Variants in EYS observed in about 807,000 individuals in gnomAD.
The protein encoded by EYS is protein eyes shut homolog.
Under a neutral mutation model 282.1 loss-of-function variants are expected in EYS, and 250 were observed. The ratio of observed to expected loss-of-function variants is 0.89; its 90% CI spans 0.80 to 0.98. The LOEUF (loss-of-function observed/expected upper bound fraction) is 0.98, where lower values mean the gene tolerates loss of function less well. EYS is among the 50% of genes least tolerant of loss of function. The probability of loss-of-function intolerance (pLI) is 0.00; values close to 1 mark genes in which losing one functional copy is unlikely to be tolerated. For synonymous variants in EYS, 1,355 were observed against 1,282.9 expected (o/e 1.06, Z -1.20); for missense variants, 4,016 against 3,709.0 (o/e 1.08, Z -2.15).
intron 2 of EYS, among the ~76,000 whole-genome samples, chr6:65,565,760 A>T (rs542994096): frequency 2.4e-4 from 36 of 152,260 alleles, no homozygotes; most frequent in African/African-American, 8.7e-4. Context: ...ATGGAACACT[A>T]TGCAGCCATA....
At chr6:64,540,475 A>ATTTTTTT (rs397888030) in intron 26 of EYS, among the ~76,000 whole-genome samples, 4 of 83,496 alleles carry the variant, frequency 4.8e-5, no homozygotes, top group Non-Finnish European at 6.9e-5. Flanking sequence ...CCAAGTACAG[A>ATTTTTTT]TTTTTTTTTT....
At chr6:63,881,348 C>A (rs536040236) in intron 35 of EYS, among the ~76,000 whole-genome samples, 1 of 152,244 alleles carries the variant, frequency 6.6e-6, no homozygotes, top group African/African-American at 2.4e-5. Flanking sequence ...AAGGGATTAC[C>A]TATTGGGTTC....
At chr6:64,636,722 T>C (rs1224390110) in intron 22 of EYS, among the ~76,000 whole-genome samples, 1 of 151,690 alleles carries the variant, frequency 6.6e-6, no homozygotes, top group Non-Finnish European at 1.5e-5. Context: ...GAATCTACAA[T>C]GAACTCAAAC....
At chr6:65,391,834 T>C (rs562506421) in intron 7 of EYS, among the ~76,000 whole-genome samples, 83 of 152,242 alleles carry the variant, frequency 5.5e-4, no homozygotes, top group African/African-American at 1.9e-3. Context: ...AAAGTTCATA[T>C]GGAACCAAAA....
At chr6:63,820,987 G>T (rs142000338) in intron 36 of EYS, among the ~76,000 whole-genome samples, 1 of 151,960 alleles carries the variant, frequency 6.6e-6, no homozygotes, top group Non-Finnish European at 1.5e-5. Flanking sequence ...ATGAAATTAT[G>T]TATTAAAATA....
chr6:63,732,795 C>A (rs146582686), intron 41 of EYS, among the ~76,000 whole-genome samples: 29 of 152,278 alleles, frequency 1.9e-4, no homozygotes, highest in African/African-American at 6.7e-4. Context: ...ATTTTGGCTA[C>A]CTGTCCGGGA....
intron 29 of EYS, among the ~76,000 whole-genome samples, chr6:64,318,673 C>A (rs954725516): frequency 6.6e-6 from 1 of 151,566 alleles, no homozygotes; most frequent in South Asian, 2.1e-4. Flanking sequence ...GTTGAAATGC[C>A]TTTTCCAAAC....
intron 29 of EYS, among the ~76,000 whole-genome samples, chr6:64,336,081 A>T (rs573523650): frequency 1.3e-5 from 2 of 152,216 alleles, no homozygotes; most frequent in Middle Eastern, 6.8e-3. Context: ...AAACAGAAAA[A>T]AAATAGGTAC....
chr6:65,556,020 A>ATATT (rs1275407026), intron 2 of EYS, among the ~76,000 whole-genome samples: 1 of 152,164 alleles, frequency 6.6e-6, no homozygotes, highest in Non-Finnish European at 1.5e-5. Context: ...GGCTCACATT[A>ATATT]TATTTCCTTT....
chr6:64,340,671 T>C (rs574005071), intron 29 of EYS, among the ~76,000 whole-genome samples: 35 of 152,016 alleles, frequency 2.3e-4, no homozygotes, highest in Admixed American at 5.9e-4. Flanking sequence ...AAAGAATTTA[T>C]GGCCAAGTCC....
intron 13 of EYS, among the ~76,000 whole-genome samples, chr6:65,038,554 C>T (rs1194051535): frequency 6.6e-6 from 1 of 151,260 alleles, no homozygotes; most frequent in African/African-American, 2.4e-5. Flanking sequence ...TTGTAAATGA[C>T]TTTTTATAGA....
chr6:64,460,681 T>G (rs186234118), intron 26 of EYS, among the ~76,000 whole-genome samples: 1 of 152,258 alleles, frequency 6.6e-6, no homozygotes, highest in Admixed American at 6.5e-5. Context: ...TATGGTCTAA[T>G]GGTCCTCCTC....
chr6:64,292,971 CGTT>C (rs1768769498), intron 30 of EYS, among the ~76,000 whole-genome samples: 1 of 152,030 alleles, frequency 6.6e-6, no homozygotes. Context: ...GTTCCAGTGT[CGTT>C]GTTCTTCTTT....
intron 41 of EYS, among the ~76,000 whole-genome samples, chr6:63,759,823 C>A (rs1322175421): frequency 1.3e-5 from 2 of 152,034 alleles, no homozygotes; most frequent in Non-Finnish European, 1.5e-5. Flanking sequence ...GGACCAATTT[C>A]TCTATTATTA....
At chr6:65,422,679 C>G (rs1227447282) in intron 5 of EYS, among the ~76,000 whole-genome samples, 1 of 151,584 alleles carries the variant, frequency 6.6e-6, no homozygotes, top group African/African-American at 2.4e-5. Flanking sequence ...TATGAAGCAA[C>G]AGGAAATATC....
intron 2 of EYS, among the ~76,000 whole-genome samples, chr6:65,542,054 T>G (rs902046203): frequency 6.6e-6 from 1 of 152,264 alleles, no homozygotes; most frequent in Admixed American, 6.5e-5. Flanking sequence ...ACAAATACAT[T>G]AATGTGCAAG....
chr6:65,357,835 G>A (rs1269999607), intron 8 of EYS, among the ~76,000 whole-genome samples: 1 of 151,606 alleles, frequency 6.6e-6, no homozygotes, highest in Non-Finnish European at 1.5e-5. Flanking sequence ...GGCGACTAAT[G>A]TAATGCTCAT....
At chr6:64,011,761 T>A (rs1768642988) in intron 33 of EYS, among the ~76,000 whole-genome samples, 1 of 152,170 alleles carries the variant, frequency 6.6e-6, no homozygotes, top group Non-Finnish European at 1.5e-5. Flanking sequence ...GTGTGAAACC[T>A]AGTTCATGTA....
At chr6:65,643,575 A>G (rs1767351103) in intron 1 of EYS, among the ~76,000 whole-genome samples, 1 of 152,226 alleles carries the variant, frequency 6.6e-6, no homozygotes, top group South Asian at 2.1e-4. Flanking sequence ...ATAGTACCAC[A>G]GCTGATGCAC....
Sources: allele counts gnomAD v4.1 joint callset (sites outside exome capture counted in the v4.1 genomes callset), GRCh38; gene constraint gnomAD v4.1.1; transcripts MANE v1.5; gene names NCBI Gene and HGNC (gene_info 2026-07-23, HGNC 2026-07-21).